The following PCDHA9 variants were observed in gnomAD, a reference collection of about 807,000 sequenced individuals.
The protein encoded by PCDHA9 is protocadherin alpha-9.
Under a neutral mutation model 62.0 loss-of-function variants are expected in PCDHA9, and 62 were observed. The observed-to-expected ratio is 1.00, with a 90% CI of 0.81 to 1.23. The LOEUF (loss-of-function observed/expected upper bound fraction) is 1.23, where lower values mean the gene tolerates loss of function less well. PCDHA9 is among the 50% of genes most tolerant of loss of function. PCDHA9 has a pLI of 0.00. For synonymous variants in PCDHA9, 557 were observed against 567.6 expected (o/e 0.98, Z 0.27); for missense variants, 1,205 against 1,249.8 (o/e 0.96, Z 0.54).
chr5:140,926,953 C>T, intron 1 of PCDHA9: 1 of 1,596,706 alleles, frequency 6.3e-7, no homozygotes, highest in Non-Finnish European at 8.6e-7. Flanking sequence ...TGCAGCGGGA[C>T]AGCTCGAGTA....
At chr5:140,874,757 C>T (rs984706003) in intron 1 of PCDHA9, among the ~76,000 whole-genome samples, 6 of 152,190 alleles carry the variant, frequency 3.9e-5, no homozygotes, top group Non-Finnish European at 8.8e-5. Context: ...CAAACAATAA[C>T]GCTCTCCATA....
chr5:140,917,329 G>GC (rs1563018868), intron 1 of PCDHA9, among the ~76,000 whole-genome samples: 1 of 143,930 alleles, frequency 6.9e-6, no homozygotes, highest in Non-Finnish European at 1.5e-5. Flanking sequence ...TGTGGCGGGG[G>GC]AGGGGGGGGA....
chr5:140,941,214 C>CTTTCTTTCTTT (rs1554214039), intron 1 of PCDHA9, among the ~76,000 whole-genome samples: 7,707 of 122,054 alleles, frequency 0.063, 376 homozygotes, highest in South Asian at 0.093. Context: ...TTTCTTTCTT[C>CTTTCTTTCTTT]CTTTCTTTCT....
intron 3 of PCDHA9, among the ~76,000 whole-genome samples, chr5:140,989,611 A>G (rs2097350612): frequency 6.6e-6 from 1 of 152,232 alleles, no homozygotes. Flanking sequence ...ACTAAAAATG[A>G]AAGTCTGTCC....
At chr5:140,949,825 C>G (rs1321892793) in intron 1 of PCDHA9, among the ~76,000 whole-genome samples, 2 of 151,748 alleles carry the variant, frequency 1.3e-5, no homozygotes, top group African/African-American at 4.8e-5. Flanking sequence ...TATTTGTCCC[C>G]TCTGATTTTG....
chr5:140,904,195 C>T (rs1554191353), intron 1 of PCDHA9, among the ~76,000 whole-genome samples: 1 of 151,930 alleles, frequency 6.6e-6, no homozygotes, highest in Admixed American at 6.6e-5. Context: ...CCCACCCTTT[C>T]CCCCTAAGTC....
intron 1 of PCDHA9, among the ~76,000 whole-genome samples, chr5:140,957,854 T>C (rs2095390646): frequency 6.6e-6 from 1 of 151,872 alleles, no homozygotes; most frequent in Non-Finnish European, 1.5e-5. Context: ...GTTTGTGTAT[T>C]TTTTTTCCTA....
intron 3 of PCDHA9, among the ~76,000 whole-genome samples, chr5:140,997,593 G>T (rs2097775607): frequency 6.6e-6 from 1 of 152,072 alleles, no homozygotes. Context: ...ACTGAAACAT[G>T]ATTATGGGGC....
intron 1 of PCDHA9, among the ~76,000 whole-genome samples, chr5:140,973,570 T>C (rs1211629419): frequency 6.6e-6 from 1 of 152,232 alleles, no homozygotes; most frequent in Non-Finnish European, 1.5e-5. Flanking sequence ...CCTCAATTTT[T>C]CTACAGACTG....
chr5:140,979,972 C>T (rs1393315984), intron 2 of PCDHA9, among the ~76,000 whole-genome samples: 1 of 152,176 alleles, frequency 6.6e-6, no homozygotes, highest in East Asian at 1.9e-4. Context: ...CATTAAAATG[C>T]ATTAGATTGA....
intron 3 of PCDHA9, among the ~76,000 whole-genome samples, chr5:141,000,512 CCTT>C (rs1340468179): frequency 2.1e-5 from 3 of 144,282 alleles, no homozygotes; most frequent in Non-Finnish European, 4.5e-5. Context: ...ACTGCAACCT[CCTT>C]CTCCAGGGTT....
chr5:140,981,881 C>G (rs138571007), intron 2 of PCDHA9, among the ~76,000 whole-genome samples: 1 of 152,158 alleles, frequency 6.6e-6, no homozygotes, highest in Non-Finnish European at 1.5e-5. Context: ...CTGAATTAAT[C>G]TCTTCTGAGC....
intron 1 of PCDHA9, among the ~76,000 whole-genome samples, chr5:140,920,334 T>A (rs2079581280): frequency 6.6e-6 from 1 of 152,212 alleles, no homozygotes; most frequent in South Asian, 2.1e-4. Context: ...TTATGGCATT[T>A]CTTATTTGTC....
At position 140,850,325 on chromosome 5, in the gene PCDHA9, G is replaced by A. The variant is rs1554144196; in HGVS notation, c.1830G>A (p.Glu610=). 4 of 1,597,604 alleles carry A rather than the reference G, an allele frequency of 2.5e-6. No homozygotes were observed. The highest frequency in any genetic ancestry group is 1.7e-6 in the Non-Finnish European group (2 of 1,167,744). ...DSGYNAWLSY[E]LQPETASASI... is the part of the protein sequence containing the mutation. ...GCTACAACGCGTGGCTTTCATACGAGCTGCAGCCAGAAACGGCCAGCGCGA... is the reference window on the plus strand; with the variant it reads ...GCTACAACGCGTGGCTTTCATACGAACTGCAGCCAGAAACGGCCAGCGCGA... Residue 610 remains glutamate, a synonymous_variant, in exon 1 of 4, where the codon GAG becomes GAA. Transcript: ENST00000532602.
At chr5:140,992,078 G>A (rs1179366244) in intron 3 of PCDHA9, among the ~76,000 whole-genome samples, 1 of 151,596 alleles carries the variant, frequency 6.6e-6, no homozygotes, top group African/African-American at 2.4e-5. Context: ...TAGAGAATGA[G>A]CTAGAGTAGA....
chr5:140,884,802 A>G, intron 1 of PCDHA9: 1 of 1,232,140 alleles, frequency 8.1e-7, no homozygotes, highest in Non-Finnish European at 1.1e-6. Flanking sequence ...GAATTTAACA[A>G]CTCTGCTGTG....
chr5:140,877,178 C>T (rs370071106), intron 1 of PCDHA9: 2 of 1,613,794 alleles, frequency 1.2e-6, no homozygotes, highest in South Asian at 2.2e-5. Context: ...CTGGCGACTC[C>T]GGCTGGCAGC....
At chr5:140,947,171 A>G (rs2094098405) in intron 1 of PCDHA9, among the ~76,000 whole-genome samples, 2 of 151,546 alleles carry the variant, frequency 1.3e-5, no homozygotes, top group Non-Finnish European at 3.0e-5. Context: ...AAAATGTGGT[A>G]TATATTCATG....
At chr5:140,880,926 G>C (rs1554171610) in intron 1 of PCDHA9, among the ~76,000 whole-genome samples, 1 of 152,192 alleles carries the variant, frequency 6.6e-6, no homozygotes, top group African/African-American at 2.4e-5. Context: ...TACTATGTTA[G>C]TAAAAGTAAT....
Sources: allele counts gnomAD v4.1 joint callset (sites outside exome capture counted in the v4.1 genomes callset), GRCh38; gene constraint gnomAD v4.1.1; transcripts MANE v1.5; gene names NCBI Gene and HGNC (gene_info 2026-07-23, HGNC 2026-07-21).